The following CARS1 variants were observed in gnomAD, a reference collection of about 807,000 sequenced individuals.
CARS1 encodes cysteinyl-tRNA synthetase 1, also known as cysteine--tRNA ligase, cytoplasmic.
Under a neutral mutation model 106.2 loss-of-function variants are expected in CARS1, and 48 were observed. The ratio of observed to expected loss-of-function variants is 0.45; its 90% CI spans 0.36 to 0.57. CARS1 has a LOEUF of 0.57. Among genes scored for constraint, CARS1 ranks in the 20% least tolerant of loss-of-function variants. The probability of loss-of-function intolerance (pLI) is 0.00; values close to 1 mark genes in which losing one functional copy is unlikely to be tolerated. For synonymous variants in CARS1, 409 were observed against 403.4 expected, an observed-to-expected ratio of 1.01 and a Z score of -0.17; for missense variants, 968 against 1,057.2, an observed-to-expected ratio of 0.92 and a Z score of 1.17.
Position 3,040,048 on chromosome 11 carries a change from G to T in CARS1, c.456-117C>A. ...ATATATGATTTTCTCTGCCATCCCT[G>T]AAACAGCAAGACCCCCCCTTCTCCT... On this transcript the variant is annotated intron_variant, in intron 4 of 22. Transcript: ENST00000380525. The surrounding 1 kb of genome is among the most constrained non-coding windows in gnomAD (Gnocchi z 5.8). The T allele has an allele frequency of 1.7e-6, 1 of 579,178 alleles. No homozygotes were observed. The allele number at this position is 579,178 out of a possible 1,614,324, so 35.9% of individuals were successfully genotyped here. A position where few individuals can be genotyped will look rare whatever the true frequency, so the allele number is the denominator to read the frequency against.
intron 22 of CARS1, among the ~76,000 whole-genome samples, chr11:3,001,662 C>T (rs905224651): frequency 3.9e-5 from 6 of 152,236 alleles, no homozygotes; most frequent in African/African-American, 1.2e-4. Context: ...ATCTGCGCCA[C>T]GGCACTTCAG....
chr11:3,039,421 G>A lies in CARS1; in HGVS notation c.553-129C>T, dbSNP rs528409932. 103 of 635,940 alleles carry A rather than the reference G, an allele frequency of 1.6e-4. No individual in the cohort carries two copies. Among genetic ancestry groups the A allele is most frequent in the South Asian group, 1.6e-3 (88 of 55,572 alleles). The allele number at this position is 635,940 out of a possible 1,614,324, so 39.4% of individuals were successfully genotyped here. ...GTGGTGGGAGACAACTGTGGGCCCC[G>A]GACGTGCACACCATCATCAAATAGA... is the stretch of plus-strand genomic sequence containing the variant. On this transcript the variant is annotated intron_variant, in intron 5 of 22. Coordinates refer to ENST00000380525, the MANE Select transcript of CARS1 (RefSeq NM_001014437.3). The surrounding 1 kb of genome is among the most constrained non-coding windows in gnomAD (Gnocchi z 5.6).
chr11:3,035,484 A>C (rs1373442646), intron 7 of CARS1, among the ~76,000 whole-genome samples: 2 of 152,068 alleles, frequency 1.3e-5, no homozygotes, highest in East Asian at 1.9e-4. Flanking sequence ...TTGCATAGAC[A>C]TTTCTTTCTT....
intron 2 of CARS1, 121 bp from the exon 3 acceptor site, chr11:3,042,377 T>C (rs1006919417): frequency 2.9e-5 from 19 of 654,452 alleles, no homozygotes; most frequent in African/African-American, 5.5e-5. Flanking sequence ...ATTTAAACAA[T>C]GTGAAACCAC....
rs769328079 is a variant in CARS1, at chr11:3,018,478, G to T, written c.1559C>A (p.Ser520Ter). The T allele has an allele frequency of 6.2e-7, 1 of 1,614,032 alleles. No individual in the cohort carries two copies. The highest frequency in any genetic ancestry group is 8.5e-7 in the Non-Finnish European group (1 of 1,179,886). ...GGAGTAGTCCAGGGTGTCCTTCCACGAGTGCATGAGGAAGGCCAGCCGCAA... is the reference window on the plus strand; with the variant it reads ...GGAGTAGTCCAGGGTGTCCTTCCACTAGTGCATGAGGAAGGCCAGCCGCAA... ...RQLRLAFLMH[S>*]WKDTLDYSSN... Residue 520 changes from serine (S) to a stop codon, truncating the protein, a stop_gained, in exon 14 of 23, where the codon TCG (serine) becomes TAG (stop). Coordinates refer to ENST00000380525, the MANE Select transcript of CARS1 (RefSeq NM_001014437.3). LOFTEE classifies it high-confidence loss of function.
rs1018924364 is a variant in CARS1, at chr11:3,012,230, C to T, written c.2033G>A (p.Arg678Gln). 6 of 1,614,252 alleles carry T rather than the reference C, an allele frequency of 3.7e-6. No individual in the cohort carries two copies. The highest frequency in any genetic ancestry group is 5.1e-6 in the Non-Finnish European group (6 of 1,180,038). The stretch of plus-strand genomic sequence containing the variant: ...TCGGGCAATCTTCCGCACTCCTTCT[C>T]GGAATTCTGATAACACCTGAAGGTA... The part of the protein sequence containing the change: ...MPYLQVLSEF[R>Q]EGVRKIAREQ... Residue 678 changes from arginine (R) to glutamine (Q), a missense_variant, in exon 18 of 23, where the codon CGA becomes CAA. Arg to Gln is a conservative substitution (Grantham distance 43, BLOSUM62 1). Coordinates refer to ENST00000380525, the MANE Select transcript of CARS1 (RefSeq NM_001014437.3).
Position 3,017,148 on chromosome 11 carries a change from A to T in CARS1, c.1875T>A (p.Ala625=). 1 of 1,614,142 alleles carries T rather than the reference A, an allele frequency of 6.2e-7. No individual in the cohort carries two copies. Among genetic ancestry groups the T allele is most frequent in the Non-Finnish European group, 8.5e-7 (1 of 1,180,004 alleles). The change falls in exon 16 of 23, where the codon GCT becomes GCA. Residue 625 remains alanine, a synonymous_variant. Coordinates refer to ENST00000380525, the MANE Select transcript of CARS1 (RefSeq NM_001014437.3). The surrounding 1 kb of genome is among the most constrained non-coding windows in gnomAD (Gnocchi z 4.9). Reference sequence around the variant, plus strand: ...GGTACAGGGCGATGTTCTCCAGCAGAGCCTGGTTGGGCCTCTTCCTCACGG... The same window carrying T: ...GGTACAGGGCGATGTTCTCCAGCAGTGCCTGGTTGGGCCTCTTCCTCACGG... ...RKAVRKRPNQ[A]LLENIALYLT... is the part of the protein sequence containing the mutation.
At position 3,017,749 on chromosome 11, in the gene CARS1, T is replaced by C. The variant is rs368068066; in HGVS notation, c.1727+108A>G. 3 of 735,314 alleles carry C rather than the reference T, an allele frequency of 4.1e-6. No individual in the cohort carries two copies. The highest frequency in any genetic ancestry group is 4.7e-5 in the Admixed American group (2 of 42,390). 45.5% of individuals were successfully genotyped at this position (735,314 alleles called of 1,614,324 possible). Reference sequence around the variant, plus strand: ...ATTAATTCTGCACAACGTACGACAGTGTCCCCAGCCCTTCCTCGACAGTCC... The same window carrying C: ...ATTAATTCTGCACAACGTACGACAGCGTCCCCAGCCCTTCCTCGACAGTCC... On this transcript the variant is annotated intron_variant, in intron 15 of 22. Transcript: ENST00000380525. The surrounding 1 kb of genome is among the most constrained non-coding windows in gnomAD (Gnocchi z 4.9).
Position 3,046,067 on chromosome 11 carries a change from T to C in CARS1, c.274+1686A>G, listed in dbSNP as rs1204417557. ...GACCCTGGCAGCCTCTTGCGCAGCC[T>C]GGGTGATGAGGGGATTTGGAACCTG... On this transcript the variant is annotated intron_variant, in intron 2 of 22. Coordinates refer to ENST00000380525, the MANE Select transcript of CARS1 (RefSeq NM_001014437.3). The surrounding 1 kb of genome is among the most constrained non-coding windows in gnomAD (Gnocchi z 5.8). Among the ~76,000 whole-genome samples, 1 of 152,192 alleles carries C rather than the reference T, an allele frequency of 6.6e-6. No homozygotes were observed. Among genetic ancestry groups the C allele is most frequent in the Admixed American group, 6.5e-5 (1 of 15,278 alleles).
chr11:3,013,647 A>AAGACT (rs1259360725), intron 17 of CARS1, among the ~76,000 whole-genome samples: 12 of 151,934 alleles, frequency 7.9e-5, no homozygotes, highest in Non-Finnish European at 1.3e-4. Flanking sequence ...TCAGGAGTTC[A>AAGACT]AGACTAGCCT....
At chr11:3,018,083 C>T (rs943602133) in intron 14 of CARS1, 129 bp from the exon 15 acceptor site, 8 of 649,728 alleles carry the variant, frequency 1.2e-5, no homozygotes, top group Non-Finnish European at 1.9e-5. Flanking sequence ...CACAAGTGGT[C>T]AGAAAGAAAG....
intron 1 of CARS1, chr11:3,055,027 C>T (rs7945933): frequency 0.92 from 642,992 of 698,184 alleles, 296,289 homozygotes; most frequent in African/African-American, 0.96. Flanking sequence ...CCTTCAAGAC[C>T]GCAAAGGAAA....
chr11:3,054,443 G>C (rs921890028), intron 1 of CARS1, among the ~76,000 whole-genome samples: 1 of 152,192 alleles, frequency 6.6e-6, no homozygotes, highest in African/African-American at 2.4e-5. Flanking sequence ...CCGGAAACAT[G>C]GTACCTGAGT....
At chr11:3,051,407 G>A (rs2134312434) in intron 1 of CARS1, among the ~76,000 whole-genome samples, 1 of 152,316 alleles carries the variant, frequency 6.6e-6, no homozygotes, top group East Asian at 1.9e-4. Flanking sequence ...GAAGAAGGAG[G>A]CTGCTTACAT....
chr11:3,032,685 ACATT>A (rs1853018662), intron 7 of CARS1, among the ~76,000 whole-genome samples: 1 of 152,048 alleles, frequency 6.6e-6, no homozygotes, highest in Admixed American at 6.6e-5. Flanking sequence ...CAAGTATGTG[ACATT>A]CTGGGAAAGG....
chr11:3,014,074 G>A (rs12417389), intron 17 of CARS1, among the ~76,000 whole-genome samples: 11 of 152,050 alleles, frequency 7.2e-5, no homozygotes, highest in Non-Finnish European at 1.0e-4. Flanking sequence ...GGGGGTTTTC[G>A]ATCTGTATCT....
rs1031476947 is a variant in CARS1, at chr11:3,040,486, C to T, written c.455+410G>A. The T allele has an allele frequency of 2.1e-6, 1 of 470,506 alleles. No individual in the cohort carries two copies. Among genetic ancestry groups the T allele is most frequent in the Admixed American group, 2.3e-5 (1 of 42,820 alleles). The allele number at this position is 470,506 out of a possible 1,614,324, so 29.1% of individuals were successfully genotyped here. On this transcript the variant is annotated intron_variant, in intron 4 of 22. Transcript: ENST00000380525. The surrounding 1 kb of genome is among the most constrained non-coding windows in gnomAD (Gnocchi z 5.8). ...TACTCGTCAGGAGCTACAGCCATGA[C>T]CATCCAGTGGTCGGGGGGCGGTCAC... is the stretch of plus-strand genomic sequence containing the variant.
chr11:3,006,720 C>T (rs949092068), intron 19 of CARS1, among the ~76,000 whole-genome samples, 159 bp downstream of exon 19: 10 of 152,218 alleles, frequency 6.6e-5, no homozygotes, highest in Admixed American at 6.5e-4. Context: ...CCAGGCTGGC[C>T]AGCGTGGGAA....
chr11:3,011,033 C>G lies in CARS1; in HGVS notation c.2068+1162G>C, dbSNP rs184864194. ...GAGTAGCACTCGAGGTCAGTGTGAC[C>G]CGGCCAGGGCTCTCCTTTCCTCTTT... is the stretch of plus-strand genomic sequence containing the variant. On this transcript the variant is annotated intron_variant, in intron 18 of 22. Transcript: ENST00000380525. Among the ~76,000 whole-genome samples, 267 of 152,306 alleles carry G rather than the reference C, an allele frequency of 1.8e-3. 4 individuals carry two copies. The highest frequency in any genetic ancestry group is 0.016 in the Admixed American group (248 of 15,286).
Sources: allele counts gnomAD v4.1 joint callset (sites outside exome capture counted in the v4.1 genomes callset), GRCh38; gene constraint gnomAD v4.1.1; non-coding constraint Gnocchi (gnomAD v3.1); transcripts MANE v1.5; gene names NCBI Gene and HGNC (gene_info 2026-07-23, HGNC 2026-07-21).